USH2A: variants seen among roughly 807,000 people sequenced by gnomAD.
USH2A encodes the protein Usher syndrome 2A (autosomal recessive, mild).
In USH2A, 443 loss-of-function variants were observed where a neutral mutation model predicts 538.9. The observed-to-expected ratio is 0.82, with a 90% CI of 0.76 to 0.89. The LOEUF (loss-of-function observed/expected upper bound fraction) is 0.89. USH2A is among the 40% of genes least tolerant of loss of function. The probability of loss-of-function intolerance (pLI) is 0.00; values close to 1 mark genes in which losing one functional copy is unlikely to be tolerated. For synonymous variants in USH2A, 2,413 were observed against 2,273.5 expected (o/e 1.06, Z -1.75); for missense variants, 6,633 against 6,324.8 (o/e 1.05, Z -1.65).
intron 51 of USH2A, among the ~76,000 whole-genome samples, chr1:215,789,683 T>C (rs751071453): frequency 7.2e-5 from 11 of 152,176 alleles, no homozygotes; most frequent in Admixed American, 3.3e-4. Flanking sequence ...GGATGATGGC[T>C]GGCGGGCTAG....
chr1:216,199,870 C>T lies in USH2A; in HGVS notation c.3568G>A (p.Ala1190Thr). The T allele has an allele frequency of 5.6e-6, 9 of 1,614,122 alleles. No individual in the cohort carries two copies. The highest frequency in any genetic ancestry group is 7.6e-6 in the Non-Finnish European group (9 of 1,180,002). The change falls in exon 17 of 72, where the codon GCT becomes ACT. Residue 1190 changes from alanine (A) to threonine (T), a missense_variant. Transcript: ENST00000307340. ...EKYILSCAPL[A>T]GGQPCVSYEG... ...TAGGAAACACATGGCTGACCACCAGCCAAAGGGGCACAGGACAAAATATAT... is the reference window on the plus strand; with the variant it reads ...TAGGAAACACATGGCTGACCACCAGTCAAAGGGGCACAGGACAAAATATAT...
chr1:215,676,256 A>G (rs1396387277), intron 62 of USH2A, among the ~76,000 whole-genome samples: 1 of 152,218 alleles, frequency 6.6e-6, no homozygotes, highest in Admixed American at 6.5e-5. Context: ...CTTCCAGGCC[A>G]TGGAAGAACT....
In USH2A at chr1:216,406,609, A is replaced by G. The variant is rs564849856; in HGVS notation, c.651+11905T>C. On this transcript the variant is annotated intron_variant, in intron 3 of 71. Coordinates refer to ENST00000307340, the MANE Select transcript of USH2A (RefSeq NM_206933.4). ...GTATGGGGTCTTGTGTTTCTTTAAT[A>G]TTTATAAATGCATCTTGCCACCTAC... Among the ~76,000 whole-genome samples, 5 of 152,278 alleles carry G rather than the reference A, an allele frequency of 3.3e-5. No individual in the cohort carries two copies. The East Asian group carries it at 7.7e-4, about 24-fold the overall frequency.
rs139864407 is a variant in USH2A, at chr1:215,876,478, T to C, written c.8681+1280A>G. On this transcript the variant is annotated intron_variant, in intron 43 of 71. Coordinates refer to ENST00000307340, the MANE Select transcript of USH2A (RefSeq NM_206933.4). ...GCAGTGAATTAATTCTTGATTGAGC[T>C]AACCTATTTTTAAGTATTCAGGTGT... 5.7e-4 allele frequency among the ~76,000 whole-genome samples: 87 copies of C among 152,324 alleles called. 1 individual carries two copies. Among genetic ancestry groups the C allele is most frequent in the South Asian group, 2.5e-3 (12 of 4,824 alleles).
At chr1:216,312,199 T>C (rs187276981) in intron 9 of USH2A, among the ~76,000 whole-genome samples, 16 of 152,216 alleles carry the variant, frequency 1.1e-4, no homozygotes, top group African/African-American at 3.9e-4. Flanking sequence ...AACACCTAAC[T>C]ATTTAACCAC....
intron 11 of USH2A, among the ~76,000 whole-genome samples, chr1:216,252,264 T>C (rs1376085840): frequency 1.3e-5 from 2 of 152,242 alleles, no homozygotes; most frequent in African/African-American, 4.8e-5. Context: ...ATTTAATAAC[T>C]CAGGACTCTA....
intron 9 of USH2A, among the ~76,000 whole-genome samples, chr1:216,296,918 T>C (rs1244600613): frequency 2.6e-5 from 4 of 151,920 alleles, no homozygotes; most frequent in Non-Finnish European, 4.4e-5. Flanking sequence ...AGTTCTATTA[T>C]TGGTGCTGCT....
chr1:216,100,801 G>A (rs1025935263), intron 21 of USH2A, among the ~76,000 whole-genome samples: 19 of 152,140 alleles, frequency 1.2e-4, no homozygotes, highest in Admixed American at 6.5e-5. Context: ...CAAGATATAC[G>A]TGGGAATCTC....
intron 21 of USH2A, among the ~76,000 whole-genome samples, chr1:216,167,716 T>C (rs2034198958): frequency 6.6e-6 from 1 of 152,142 alleles, no homozygotes; most frequent in African/African-American, 2.4e-5. Flanking sequence ...AAGTATACTT[T>C]ATTTCCTTTC....
chr1:215,768,832 A>G (rs1376718928), intron 55 of USH2A, among the ~76,000 whole-genome samples: 9 of 152,186 alleles, frequency 5.9e-5, no homozygotes, highest in East Asian at 1.9e-4. Flanking sequence ...CCCCATTTAG[A>G]ATATAAGCCC....
chr1:215,674,028 C>A, intron 63 of USH2A, 72 bp downstream of exon 63: 1 of 1,612,700 alleles, frequency 6.2e-7, no homozygotes, highest in Non-Finnish European at 8.5e-7. Flanking sequence ...TTCATTAGAA[C>A]TGACCAAGGG....
At chr1:215,646,577 A>C (rs1656858860) in intron 67 of USH2A, among the ~76,000 whole-genome samples, 1 of 151,828 alleles carries the variant, frequency 6.6e-6, no homozygotes, top group African/African-American at 2.4e-5. Flanking sequence ...CCCAGGCTGG[A>C]GTACAGTGGC....
In USH2A at chr1:215,782,852, T is replaced by G; in HGVS notation, c.10471A>C (p.Arg3491=). Residue 3491 remains arginine, a synonymous_variant, in exon 53 of 72, where the codon AGA becomes CGA. Transcript: ENST00000307340. The part of the protein sequence containing the change: ...SYGRGLSKAV[R]ARTKEDVPQG... ...GGCACATCTTCTTTTGTTCTGGCTC[T>G]CACAGCTTTGCTGAGTCCTCGCCCA... 1.2e-6 allele frequency: 2 copies of G among 1,613,978 alleles called. No individual in the cohort carries two copies. Among genetic ancestry groups the G allele is most frequent in the African/African-American group, 1.3e-5 (1 of 75,032 alleles).
chr1:215,697,833 A>AT (rs1658869149), intron 61 of USH2A, among the ~76,000 whole-genome samples: 1 of 152,100 alleles, frequency 6.6e-6, no homozygotes, highest in African/African-American at 2.4e-5. Context: ...TTATTTATTT[A>AT]TTTTTTAATT....
At chr1:215,936,954 T>TA (rs1666514804) in intron 37 of USH2A, among the ~76,000 whole-genome samples, 2 of 152,054 alleles carry the variant, frequency 1.3e-5, no homozygotes, top group African/African-American at 4.8e-5. Flanking sequence ...TGTAAAAACA[T>TA]ACAAAAAGTT....
chr1:216,235,105 T>C (rs2035780846), intron 13 of USH2A, among the ~76,000 whole-genome samples: 1 of 152,180 alleles, frequency 6.6e-6, no homozygotes, highest in Admixed American at 6.6e-5. Context: ...TACCTGAATG[T>C]GCCTAATTCT....
chr1:216,324,219 T>C lies in USH2A; in HGVS notation c.1277A>G (p.Asn426Ser), dbSNP rs761432173. 3 of 1,613,274 alleles carry C rather than the reference T, an allele frequency of 1.9e-6. No individual in the cohort carries two copies. Among genetic ancestry groups the C allele is most frequent in the African/African-American group, 2.7e-5 (2 of 74,884 alleles). ...ATCAGGTTTTTCCAAATCTCCATTG[T>C]TTTTCATTCCAAAAGCACCACAATT... ...ARNCGAFGMK[N>S]NGDLEKPDSV... The change falls in exon 7 of 72, where the codon AAC (asparagine) becomes AGC (serine). Residue 426 changes from asparagine (N) to serine (S), a missense_variant. Asn to Ser is a conservative substitution (Grantham distance 46). Transcript: ENST00000307340.
chr1:216,251,057 C>T lies in USH2A; in HGVS notation c.2013G>A (p.Arg671=), dbSNP rs752456344. 7.4e-6 allele frequency: 12 copies of T among 1,613,902 alleles called. No individual in the cohort carries two copies. Among genetic ancestry groups the T allele is most frequent in the South Asian group, 1.1e-5 (1 of 91,082 alleles). ...QCNCKRHVSG[R]QCNQCQNGFY... ...ATCCATTCTGGCACTGATTGCACTG[C>T]CTGCCAGACACGTGTCTCTTACAAT... Residue 671 remains arginine (R), a synonymous_variant, in exon 12 of 72, where the codon AGG becomes AGA. Transcript: ENST00000307340.
chr1:215,667,716 A>G (rs1297481476), intron 64 of USH2A, among the ~76,000 whole-genome samples: 1 of 152,034 alleles, frequency 6.6e-6, no homozygotes, highest in East Asian at 1.9e-4. Context: ...AAGAAGAAGG[A>G]AAAAAACAAA....
Sources: allele counts gnomAD v4.1 joint callset (sites outside exome capture counted in the v4.1 genomes callset), GRCh38; gene constraint gnomAD v4.1.1; transcripts MANE v1.5; gene names NCBI Gene and HGNC (gene_info 2026-07-23, HGNC 2026-07-21).